Variants in ZMYND8 observed in about 807,000 individuals in gnomAD.
ZMYND8 encodes zinc finger MYND-type containing 8.
In ZMYND8, 37 loss-of-function variants were observed where a neutral mutation model predicts 140.8. That is an observed-to-expected ratio of 0.26 (90% confidence interval 0.20 to 0.35). ZMYND8 has a LOEUF of 0.35. Among genes scored for constraint, ZMYND8 ranks in the 10% least tolerant of loss-of-function variants. The pLI is 1.00. For missense variants in ZMYND8, 1,068 were observed against 1,570.0 expected, an observed-to-expected ratio of 0.68 and a Z score of 5.40; for synonymous variants, 592 against 597.1, an observed-to-expected ratio of 0.99 and a Z score of 0.12.
intron 10 of ZMYND8, among the ~76,000 whole-genome samples, chr20:47,277,773 C>T (rs1258674655): frequency 1.3e-5 from 2 of 152,026 alleles, no homozygotes; most frequent in African/African-American, 4.8e-5. Flanking sequence ...TGGGTTCAAG[C>T]AATTCTCCTG....
At chr20:47,303,460 G>A (rs1459990347) in intron 3 of ZMYND8, among the ~76,000 whole-genome samples, 1 of 152,156 alleles carries the variant, frequency 6.6e-6, no homozygotes, top group Non-Finnish European at 1.5e-5. Context: ...GCTCACGCCT[G>A]TAATCCCAGC....
intron 2 of ZMYND8, among the ~76,000 whole-genome samples, chr20:47,334,452 T>C (rs2081221893): frequency 6.6e-6 from 1 of 151,830 alleles, no homozygotes; most frequent in Non-Finnish European, 1.5e-5. Context: ...CATAAGCAAA[T>C]CCACAGGCAC....
intron 2 of ZMYND8, among the ~76,000 whole-genome samples, chr20:47,341,965 T>C (rs1277973112): frequency 6.6e-6 from 1 of 150,866 alleles, no homozygotes; most frequent in Non-Finnish European, 1.5e-5. Context: ...ATCGCGCCAC[T>C]GCACTCCAGC....
intron 2 of ZMYND8, among the ~76,000 whole-genome samples, chr20:47,346,875 G>A (rs1327212641): frequency 6.6e-6 from 1 of 152,358 alleles, no homozygotes; most frequent in East Asian, 1.9e-4. Context: ...AAAGTGCTGG[G>A]ATTACAGGCA....
In ZMYND8 at chr20:47,212,579, A is replaced by C; in HGVS notation, c.3568+63T>G. 1.9e-6 allele frequency: 3 copies of C among 1,568,196 alleles called. No homozygotes were observed. The Admixed American group carries it at 5.0e-5, about 26-fold the overall frequency. ...GGAACACATACACGGACACACACAG[A>C]ACAAGCCTTCTGCATACCAGGAAGA... is the stretch of plus-strand genomic sequence containing the variant. On this transcript the variant is annotated intron_variant, in intron 22 of 22. Transcript: ENST00000471951.
chr20:47,324,786 G>A (rs2080273114), intron 2 of ZMYND8, among the ~76,000 whole-genome samples: 1 of 152,140 alleles, frequency 6.6e-6, no homozygotes, highest in Admixed American at 6.5e-5. Context: ...TTCATCTTTT[G>A]GCTCACTGCC....
At chr20:47,228,891 C>T (rs1477463478) in intron 17 of ZMYND8, among the ~76,000 whole-genome samples, 2 of 152,168 alleles carry the variant, frequency 1.3e-5, no homozygotes, top group Admixed American at 6.5e-5. Flanking sequence ...CACAGACAGC[C>T]GGCAAGTGGC....
intron 12 of ZMYND8, among the ~76,000 whole-genome samples, chr20:47,261,649 A>C (rs1340878846): frequency 6.6e-6 from 1 of 152,174 alleles, no homozygotes; most frequent in Admixed American, 6.5e-5. Context: ...AAGGAATATC[A>C]GAGTATGCTG....
rs533780743 is a variant in ZMYND8, at chr20:47,317,272, C to G, written c.86-7068G>C. 5.9e-5 allele frequency among the ~76,000 whole-genome samples: 9 copies of G among 152,262 alleles called. No homozygotes were observed. The South Asian group carries it at 1.9e-3, about 32-fold the overall frequency. ...CAGTCCCCAGAAAGCACATTCACCTCCCAATTTCCAAACAGTGGCATCAGT... is the reference window on the plus strand; with the variant it reads ...CAGTCCCCAGAAAGCACATTCACCTGCCAATTTCCAAACAGTGGCATCAGT... On this transcript the variant is annotated intron_variant, in intron 2 of 22. Coordinates refer to ENST00000471951, the MANE Select transcript of ZMYND8 (RefSeq NM_001281775.3).
In ZMYND8 at chr20:47,348,017, C is replaced by T. The variant is rs765996477; in HGVS notation, c.15-91G>A. 1.9e-5 allele frequency: 23 copies of T among 1,227,698 alleles called. No individual in the cohort carries two copies. The South Asian group carries it at 2.7e-4, about 14-fold the overall frequency. The allele number at this position is 1,227,698 out of a possible 1,614,324, so 76.1% of individuals were successfully genotyped here. A position where few individuals can be genotyped will look rare whatever the true frequency, so the allele number is the denominator to read the frequency against. ...TTGGAAGTTCTAGCAACAAACACAC[C>T]TTAAAGACATTCCCTCATCCTTATC... On this transcript the variant is annotated intron_variant, in intron 1 of 22. Coordinates refer to ENST00000471951, the MANE Select transcript of ZMYND8 (RefSeq NM_001281775.3).
chr20:47,215,892 C>T (rs3201741), intron 21 of ZMYND8, among the ~76,000 whole-genome samples: 5,782 of 152,212 alleles, frequency 0.038, 377 homozygotes, highest in African/African-American at 0.13. Context: ...TGTCACAGAA[C>T]GTTCTATTGG....
intron 2 of ZMYND8, among the ~76,000 whole-genome samples, chr20:47,338,571 C>A (rs2081573059): frequency 6.6e-6 from 1 of 152,150 alleles, no homozygotes; most frequent in African/African-American, 2.4e-5. Flanking sequence ...GCTCTGGGAA[C>A]CTCAGCAACC....
chr20:47,287,156 G>T, intron 8 of ZMYND8, 73 bp downstream of exon 8: 1 of 1,371,424 alleles, frequency 7.3e-7, no homozygotes, highest in Non-Finnish European at 1.0e-6. Context: ...AGGAGATTCT[G>T]CAAATGGAAA....
At chr20:47,338,794 C>A (rs1336047044) in intron 2 of ZMYND8, among the ~76,000 whole-genome samples, 3 of 151,984 alleles carry the variant, frequency 2.0e-5, no homozygotes, top group Non-Finnish European at 4.4e-5. Context: ...AGCAAGAATT[C>A]CCAAGCACCC....
At position 47,344,325 on chromosome 20, in the gene ZMYND8, T is replaced by G. The variant is rs115058998; in HGVS notation, c.85+3531A>C. Among the ~76,000 whole-genome samples the G allele has an allele frequency of 2.0e-3, 299 of 152,298 alleles. 2 individuals carry two copies. The highest frequency in any genetic ancestry group is 6.8e-3 in the African/African-American group (284 of 41,558). ...AATACATACCCTTGATGTGATATGA[T>G]GAAAATGGCATTTTACCCTCTGTAG... On this transcript the variant is annotated intron_variant, in intron 2 of 22. Coordinates refer to ENST00000471951, the MANE Select transcript of ZMYND8 (RefSeq NM_001281775.3).
chr20:47,298,382 A>G lies in ZMYND8; in HGVS notation c.453+347T>C. ...AGGCAACAACATCCAAGACGGAGAA[A>G]ACAGAATGAGATCTTTTCAAAATGT... On this transcript the variant is annotated intron_variant, in intron 4 of 22. Transcript: ENST00000471951. The surrounding 1 kb of genome is among the most constrained non-coding windows in gnomAD (Gnocchi z 5.0). The G allele has an allele frequency of 2.0e-6, 2 of 985,434 alleles. No individual in the cohort carries two copies. The highest frequency in any genetic ancestry group is 1.7e-5 in the African/African-American group (1 of 57,346). The allele number at this position is 985,434 out of a possible 1,614,324, so 61.0% of individuals were successfully genotyped here.
intron 1 of ZMYND8, 40 bp downstream of exon 1, chr20:47,356,617 G>A: frequency 6.2e-7 from 1 of 1,614,156 alleles, no homozygotes; most frequent in Non-Finnish European, 8.5e-7. Context: ...GGATGTCTCA[G>A]AGGGAGGGGG....
At chr20:47,315,719 A>C (rs1478522583) in intron 2 of ZMYND8, among the ~76,000 whole-genome samples, 1 of 152,170 alleles carries the variant, frequency 6.6e-6, no homozygotes, top group African/African-American at 2.4e-5. Context: ...AACTTTGAAC[A>C]ATGACAAACA....
At chr20:47,213,758 T>G (rs1214035954) in intron 21 of ZMYND8, among the ~76,000 whole-genome samples, 1 of 152,166 alleles carries the variant, frequency 6.6e-6, no homozygotes, top group Non-Finnish European at 1.5e-5. Flanking sequence ...ACCTCAGTAG[T>G]GTGGGAAGAG....
Sources: gnomAD v4.1 joint callset for allele counts (sites outside exome capture counted in the v4.1 genomes callset) on GRCh38, gnomAD v4.1.1 for gene constraint, Gnocchi (gnomAD v3.1) non-coding constraint, MANE v1.5 for transcripts, NCBI Gene and HGNC (gene_info 2026-07-23, HGNC 2026-07-21) for gene names.